The following CNTN5 variants were observed in gnomAD, a reference collection of about 807,000 sequenced individuals.
The protein encoded by CNTN5 is contactin 5.
A neutral mutation model predicts 129.1 loss-of-function variants in CNTN5; 77 were observed. The ratio of observed to expected loss-of-function variants is 0.60; its 90% CI spans 0.50 to 0.72. The LOEUF is 0.72. CNTN5 is among the 30% of genes least tolerant of loss of function. The probability of loss-of-function intolerance (pLI) is 0.00; values close to 1 mark genes in which losing one functional copy is unlikely to be tolerated. For missense variants in CNTN5, 1,478 were observed against 1,328.8 expected, an observed-to-expected ratio of 1.11 and a Z score of -1.75; for synonymous variants, 509 against 465.6, an observed-to-expected ratio of 1.09 and a Z score of -1.20.
intron 9 of CNTN5, among the ~76,000 whole-genome samples, chr11:100,042,002 C>A (rs1591114880): frequency 6.6e-6 from 1 of 152,118 alleles, no homozygotes; most frequent in Admixed American, 6.5e-5. Flanking sequence ...AATTTATTAT[C>A]CCTGAAGGCC....
At chr11:99,199,345 G>T (rs999441817) in intron 1 of CNTN5, among the ~76,000 whole-genome samples, 6 of 152,102 alleles carry the variant, frequency 3.9e-5, no homozygotes, top group African/African-American at 1.4e-4. Flanking sequence ...AGACCAAGTG[G>T]CCATTTAGTT....
Position 100,356,417 on chromosome 11 carries a change from G to A in CNTN5, c.*197G>A, listed in dbSNP as rs920123057. The A allele has an allele frequency of 1.9e-5, 11 of 589,486 alleles. No individual in the cohort carries two copies. In the Admixed American group the frequency reaches 2.7e-4, roughly 14 times the overall value. The allele number at this position is 589,486 out of a possible 1,614,324, so 36.5% of individuals were successfully genotyped here. A position where few individuals can be genotyped will look rare whatever the true frequency, so the allele number is the denominator to read the frequency against. On this transcript the variant is annotated 3_prime_UTR_variant, in exon 25 of 25. Coordinates refer to ENST00000524871, the MANE Select transcript of CNTN5 (RefSeq NM_014361.4). Reference sequence around the variant, plus strand: ...TTTCTCTTTGGTTTTTGTAAACGGAGAGGACAGTTCTTAGTCCAGTAAAAA... The same window carrying A: ...TTTCTCTTTGGTTTTTGTAAACGGAAAGGACAGTTCTTAGTCCAGTAAAAA...
chr11:100,032,914 A>G (rs1361455764), intron 9 of CNTN5, among the ~76,000 whole-genome samples: 1 of 152,184 alleles, frequency 6.6e-6, no homozygotes. Flanking sequence ...TAATAGAAGA[A>G]TACAATTCTT....
chr11:99,840,895 T>C lies in CNTN5; in HGVS notation c.278-3957T>C, dbSNP rs116505641. 3.2e-3 allele frequency among the ~76,000 whole-genome samples: 484 copies of C among 152,254 alleles called. 5 individuals carry two copies. Among genetic ancestry groups the C allele is most frequent in the African/African-American group, 0.011 (465 of 41,562 alleles). ...GGATCATTATGACCAGAAGATAAAATTCACTGCTACAGCAGAATGAATAAA... is the reference window on the plus strand; with the variant it reads ...GGATCATTATGACCAGAAGATAAAACTCACTGCTACAGCAGAATGAATAAA... On this transcript the variant is annotated intron_variant, in intron 4 of 24. Transcript: ENST00000524871.
chr11:99,093,921 A>G, intron 1 of CNTN5, among the ~76,000 whole-genome samples: 2 of 152,078 alleles, frequency 1.3e-5, no homozygotes, highest in South Asian at 4.1e-4. Context: ...GCCATACTCG[A>G]TCACTTCAAA....
chr11:99,861,551 C>T (rs1948208246), intron 6 of CNTN5, among the ~76,000 whole-genome samples: 1 of 151,976 alleles, frequency 6.6e-6, no homozygotes, highest in Admixed American at 6.6e-5. Context: ...ATGTTGAGGA[C>T]TTCATATTGG....
At chr11:99,196,704 A>G (rs1858919290) in intron 1 of CNTN5, among the ~76,000 whole-genome samples, 1 of 151,856 alleles carries the variant, frequency 6.6e-6, no homozygotes, top group Non-Finnish European at 1.5e-5. Context: ...TCAATATTGT[A>G]TTGTTAAAAA....
intron 2 of CNTN5, among the ~76,000 whole-genome samples, 155 bp downstream of exon 2, chr11:99,325,639 G>A (rs1565492440): frequency 6.6e-6 from 1 of 152,108 alleles, no homozygotes; most frequent in African/African-American, 2.4e-5. Flanking sequence ...ATTTGTCTTT[G>A]AATTGAAAAC....
chr11:99,292,807 G>A (rs908912442), intron 1 of CNTN5, among the ~76,000 whole-genome samples: 2 of 152,098 alleles, frequency 1.3e-5, no homozygotes, highest in African/African-American at 4.8e-5. Context: ...CCAAGCCTTG[G>A]GAGGTAGAGT....
chr11:99,784,255 A>T (rs1222478265), intron 3 of CNTN5, among the ~76,000 whole-genome samples: 1 of 152,060 alleles, frequency 6.6e-6, no homozygotes, highest in Non-Finnish European at 1.5e-5. Context: ...TCAACCCGTC[A>T]TCTACATTAC....
At chr11:100,050,136 A>G (rs1484000240) in intron 9 of CNTN5, among the ~76,000 whole-genome samples, 3 of 152,154 alleles carry the variant, frequency 2.0e-5, no homozygotes, top group South Asian at 4.1e-4. Flanking sequence ...TATATACCCA[A>G]AGGACTATAA....
intron 6 of CNTN5, among the ~76,000 whole-genome samples, chr11:99,891,916 A>C (rs930160299): frequency 6.6e-6 from 1 of 152,198 alleles, no homozygotes; most frequent in African/African-American, 2.4e-5. Flanking sequence ...ACTGTCTTCC[A>C]CAATGGTTGA....
At chr11:99,748,418 G>GAGAC in intron 3 of CNTN5, among the ~76,000 whole-genome samples, 1 of 152,102 alleles carries the variant, frequency 6.6e-6, no homozygotes, top group Middle Eastern at 3.4e-3. Flanking sequence ...AATCCATAGA[G>GAGAC]AGAGAGAGAG....
chr11:99,179,603 A>G (rs1029870620), intron 1 of CNTN5, among the ~76,000 whole-genome samples: 1 of 152,228 alleles, frequency 6.6e-6, no homozygotes, highest in African/African-American at 2.4e-5. Context: ...GGATGATGCC[A>G]TATGATCCAT....
intron 1 of CNTN5, among the ~76,000 whole-genome samples, chr11:99,224,677 T>TTC: frequency 6.7e-6 from 1 of 149,482 alleles, no homozygotes; most frequent in African/African-American, 2.5e-5. Context: ...TTTTTTTTTT[T>TTC]GAGACAGTCT....
intron 1 of CNTN5, among the ~76,000 whole-genome samples, chr11:99,037,708 T>A (rs1003404131): frequency 6.6e-6 from 1 of 150,752 alleles, no homozygotes; most frequent in African/African-American, 2.4e-5. Flanking sequence ...GCGTCCCAAG[T>A]AGCTGGGATT....
chr11:99,736,390 A>G (rs79276052), intron 3 of CNTN5, among the ~76,000 whole-genome samples: 3 of 152,166 alleles, frequency 2.0e-5, no homozygotes, highest in African/African-American at 7.2e-5. Context: ...GCTGGTGTAG[A>G]GGAGCCCAGA....
intron 12 of CNTN5, among the ~76,000 whole-genome samples, chr11:100,073,435 G>C (rs1442702938): frequency 6.6e-6 from 1 of 151,484 alleles, no homozygotes; most frequent in Admixed American, 6.6e-5. Flanking sequence ...GTTGCTATAT[G>C]ATATATTTTA....
chr11:99,440,279 T>A (rs1943774370), intron 2 of CNTN5, among the ~76,000 whole-genome samples: 1 of 152,150 alleles, frequency 6.6e-6, no homozygotes, highest in Admixed American at 6.5e-5. Flanking sequence ...GAAATTTTCT[T>A]ATTAAGTTAA....
Sources: gnomAD v4.1 joint callset for allele counts (sites outside exome capture counted in the v4.1 genomes callset) on GRCh38, gnomAD v4.1.1 for gene constraint, MANE v1.5 for transcripts, NCBI Gene and HGNC (gene_info 2026-07-23, HGNC 2026-07-21) for gene names.